Variants in ANO5 observed in about 807,000 individuals in gnomAD.
ANO5 encodes anoctamin 5.
Under a neutral mutation model 121.0 loss-of-function variants are expected in ANO5, and 109 were observed. The ratio of observed to expected loss-of-function variants is 0.90; its 90% CI spans 0.77 to 1.06. The LOEUF (loss-of-function observed/expected upper bound fraction) is 1.06, where lower values mean the gene tolerates loss of function less well. ANO5 is among the 50% of genes least tolerant of loss of function. The pLI is 0.00. For missense variants in ANO5, 1,064 were observed against 1,078.5 expected (o/e 0.99, Z 0.19); for synonymous variants, 406 against 359.9 (o/e 1.13, Z -1.45).
chr11:22,270,244 C>A, intron 17 of ANO5, 68 bp from the exon 18 acceptor site: 1 of 1,577,708 alleles, frequency 6.3e-7, no homozygotes, highest in Non-Finnish European at 8.7e-7. Context: ...CCAGATCTAA[C>A]ACTCTGATTC....
chr11:22,272,781 C>T lies in ANO5; in HGVS notation c.2030-3C>T, dbSNP rs752534913. On this transcript the variant is annotated splice_polypyrimidine_tract_variant and splice_region_variant and intron_variant, in intron 18 of 21. Transcript: ENST00000324559. ...AGTTCATGCCTTTTTCTTTTCTCTA[C>T]AGTTACTCAATTTGGATTTGTTACA... 1 of 1,613,110 alleles carries T rather than the reference C, an allele frequency of 6.2e-7. No homozygotes were observed. Among genetic ancestry groups the T allele is most frequent in the South Asian group, 1.1e-5 (1 of 91,044 alleles).
chr11:22,251,557 A>C (rs1853817050), intron 12 of ANO5, among the ~76,000 whole-genome samples: 1 of 152,220 alleles, frequency 6.6e-6, no homozygotes, highest in Non-Finnish European at 1.5e-5. Flanking sequence ...TTAAAGTGTC[A>C]TGAAGTTTTT....
In ANO5 at chr11:22,255,457, C is replaced by A. The variant is rs771868816; in HGVS notation, c.1267C>A (p.Gln423Lys). 1 of 1,613,468 alleles carries A rather than the reference C, an allele frequency of 6.2e-7. No homozygotes were observed. The highest frequency in any genetic ancestry group is 1.1e-5 in the South Asian group (1 of 91,062). ...DLVDFEEEQQ[Q>K]LQLRPEFEAM... Reference sequence around the variant, plus strand: ...GGTGGACTTTGAAGAGGAACAGCAGCAGCTTCAGCTGAGACCAGAATTTGA... The same window carrying A: ...GGTGGACTTTGAAGAGGAACAGCAGAAGCTTCAGCTGAGACCAGAATTTGA... The change falls in exon 13 of 22, where the codon CAG becomes AAG. Residue 423 changes from glutamine (Q) to lysine (K), a missense_variant. Physicochemically the swap from Gln to Lys is moderately conservative, Grantham distance 53 (BLOSUM62 1). Coordinates refer to ENST00000324559, the MANE Select transcript of ANO5 (RefSeq NM_213599.3).
intron 18 of ANO5, among the ~76,000 whole-genome samples, 158 bp downstream of exon 18, chr11:22,270,600 C>G (rs1854574911): frequency 6.6e-6 from 1 of 152,058 alleles, no homozygotes; most frequent in South Asian, 2.1e-4. Context: ...AAATTTGTTC[C>G]CTATTTCCCT....
chr11:22,262,030 C>G, intron 15 of ANO5, 99 bp from the exon 16 acceptor site: 1 of 1,183,644 alleles, frequency 8.4e-7, no homozygotes, highest in Non-Finnish European at 1.2e-6. Flanking sequence ...TCTATAGGCT[C>G]CCAGAATGAT....
At chr11:22,273,551 C>T (rs941418805) in intron 19 of ANO5, among the ~76,000 whole-genome samples, 28 of 151,998 alleles carry the variant, frequency 1.8e-4, no homozygotes, top group African/African-American at 6.7e-4. Flanking sequence ...GAGCCAAAAC[C>T]ACTATTACAG....
At chr11:22,265,669 T>C (rs555393467) in intron 17 of ANO5, among the ~76,000 whole-genome samples, 19 of 152,236 alleles carry the variant, frequency 1.2e-4, no homozygotes, top group African/African-American at 4.1e-4. Flanking sequence ...TATCCCCAAA[T>C]TGATATATAG....
intron 3 of ANO5, among the ~76,000 whole-genome samples, chr11:22,215,558 G>T (rs1237650879): frequency 6.6e-6 from 1 of 151,908 alleles, no homozygotes; most frequent in East Asian, 1.9e-4. Flanking sequence ...GCTATCTCAA[G>T]ATTAATATGT....
chr11:22,227,339 A>T lies in ANO5; in HGVS notation c.401A>T (p.His134Leu). 6.2e-7 allele frequency: 1 copy of T among 1,613,394 alleles called. No individual in the cohort carries two copies. The highest frequency in any genetic ancestry group is 8.5e-7 in the Non-Finnish European group (1 of 1,179,696). The change falls in exon 7 of 22, where the codon CAT becomes CTT. Residue 134 changes from histidine (H) to leucine (L), a missense_variant. His to Leu is a moderately conservative substitution (Grantham distance 99). Transcript: ENST00000324559. ...EDGRTYFVKIHAPWEVLVTYA... is the reference protein window; with the variant it reads ...EDGRTYFVKILAPWEVLVTYA... The stretch of plus-strand genomic sequence containing the variant: ...GGAAGAACTTATTTTGTCAAGATCC[A>T]TGCCCCTTGGGAGGTATTAGTTACC...
intron 9 of ANO5, among the ~76,000 whole-genome samples, chr11:22,243,465 T>C (rs1215613051): frequency 6.6e-6 from 1 of 152,028 alleles, no homozygotes; most frequent in Non-Finnish European, 1.5e-5. Context: ...CTTTTTGAGT[T>C]TTTGGAATAG....
At chr11:22,230,163 A>G (rs1209515669) in intron 7 of ANO5, among the ~76,000 whole-genome samples, 1 of 151,970 alleles carries the variant, frequency 6.6e-6, no homozygotes, top group Non-Finnish European at 1.5e-5. Flanking sequence ...TTTAACATTA[A>G]CAAAGCTCTA....
chr11:22,254,521 C>T (rs896862436), intron 12 of ANO5, among the ~76,000 whole-genome samples: 1 of 151,134 alleles, frequency 6.6e-6, no homozygotes, highest in Non-Finnish European at 1.5e-5. Flanking sequence ...GCAATTTAAC[C>T]GTAGAGTCGA....
chr11:22,255,183 A>G (rs896270748), intron 12 of ANO5, among the ~76,000 whole-genome samples, 188 bp from the exon 13 acceptor site: 7 of 152,176 alleles, frequency 4.6e-5, no homozygotes, highest in African/African-American at 1.7e-4. Flanking sequence ...ATTTTTTTTC[A>G]GTGTATTATT....
At position 22,220,988 on chromosome 11, in the gene ANO5, C is replaced by T. The variant is rs1414260760; in HGVS notation, c.181-109C>T. 5.2e-6 allele frequency: 4 copies of T among 771,784 alleles called. No homozygotes were observed. The Admixed American group carries it at 8.9e-5, about 17-fold the overall frequency. The allele number at this position is 771,784 out of a possible 1,614,324, so 47.8% of individuals were successfully genotyped here. A position where few individuals can be genotyped will look rare whatever the true frequency, so the allele number is the denominator to read the frequency against. On this transcript the variant is annotated intron_variant, in intron 4 of 21. Transcript: ENST00000324559. ...ACAAAGCATAATCTGTTGCTGAAAA[C>T]TCTGGTTATTTGTCTTGATTTGACT...
At chr11:22,266,070 CTA>C (rs1045718566) in intron 17 of ANO5, among the ~76,000 whole-genome samples, 1 of 151,926 alleles carries the variant, frequency 6.6e-6, no homozygotes, top group Non-Finnish European at 1.5e-5. Flanking sequence ...TAATGAAACT[CTA>C]TGTGAAACTT....
At chr11:22,192,987 G>A (rs894906585), upstream of ANO5, 3 of 985,364 alleles carry the variant, frequency 3.0e-6, no homozygotes, top group Non-Finnish European at 3.6e-6. Flanking sequence ...GTCTCCGAGG[G>A]TGGGGCGCCG....
intron 6 of ANO5, 73 bp from the exon 7 acceptor site, chr11:22,227,229 C>A: frequency 6.5e-7 from 1 of 1,545,712 alleles, no homozygotes; most frequent in Non-Finnish European, 8.9e-7. Context: ...AAAATATTAT[C>A]CATCTTATTT....
At position 22,279,768 on chromosome 11, in the gene ANO5, A is replaced by G. The variant is rs755803359; in HGVS notation, c.*3A>G. On this transcript the variant is annotated 3_prime_UTR_variant, in exon 22 of 22. Coordinates refer to ENST00000324559, the MANE Select transcript of ANO5 (RefSeq NM_213599.3). ...AGCTGGCTAAATCAACACTCTAATC[A>G]GTATAGTGAGGAAGCAGCAGGTGAT... 1 of 1,609,516 alleles carries G rather than the reference A, an allele frequency of 6.2e-7. No individual in the cohort carries two copies.
At position 22,227,605 on chromosome 11, in the gene ANO5, TG is replaced by T. The variant is rs1852887617; in HGVS notation, c.648+22del. The T allele has an allele frequency of 1.2e-6, 2 of 1,612,170 alleles. No individual in the cohort carries two copies. Among genetic ancestry groups the T allele is most frequent in the Non-Finnish European group, 1.7e-6 (2 of 1,178,588 alleles). On this transcript the variant is annotated intron_variant, in intron 7 of 21. Coordinates refer to ENST00000324559, the MANE Select transcript of ANO5 (RefSeq NM_213599.3). ...CAGAATTGTAGGTAGAGAAGACCTT[TG>T]GGCACATCCCTTCAAATACGAGATG...
Sources: gnomAD v4.1 joint callset for allele counts (sites outside exome capture counted in the v4.1 genomes callset) on GRCh38, gnomAD v4.1.1 for gene constraint, MANE v1.5 for transcripts, NCBI Gene and HGNC (gene_info 2026-07-23, HGNC 2026-07-21) for gene names.